SRPK2: variants seen among roughly 807,000 people sequenced by gnomAD.
SRPK2 encodes SFRS protein kinase 2.
Under a neutral mutation model 90.8 loss-of-function variants are expected in SRPK2, and 21 were observed. The ratio of observed to expected loss-of-function variants is 0.23; its 90% CI spans 0.16 to 0.33. The LOEUF is 0.33. Ranked by LOEUF, SRPK2 falls within the 10% of genes least tolerant of loss-of-function variation. The probability of loss-of-function intolerance (pLI) is 1.00; values close to 1 mark genes in which losing one functional copy is unlikely to be tolerated. For synonymous variants in SRPK2, 288 were observed against 311.1 expected (o/e 0.93, Z 0.78); for missense variants, 620 against 869.0 (o/e 0.71, Z 3.60).
intron 7 of SRPK2, among the ~76,000 whole-genome samples, chr7:105,159,466 A>AAAAAAC (rs1807186712): frequency 5.2e-5 from 6 of 114,314 alleles, no homozygotes; most frequent in African/African-American, 1.3e-4. Flanking sequence ...AAAAAAAAAA[A>AAAAAAC]AAAAAAACCG....
At chr7:105,253,078 A>G (rs1802708061) in intron 2 of SRPK2, among the ~76,000 whole-genome samples, 1 of 152,194 alleles carries the variant, frequency 6.6e-6, no homozygotes, top group Non-Finnish European at 1.5e-5. Flanking sequence ...TTCTTTAATC[A>G]TAATTAACTG....
intron 7 of SRPK2, among the ~76,000 whole-genome samples, chr7:105,159,034 CA>C (rs1358964030): frequency 6.6e-6 from 1 of 152,016 alleles, no homozygotes; most frequent in Admixed American, 6.6e-5. Flanking sequence ...CAGTACTGAA[CA>C]AAAGTTAGCC....
intron 2 of SRPK2, among the ~76,000 whole-genome samples, chr7:105,283,283 G>A (rs907679965): frequency 1.3e-5 from 2 of 152,028 alleles, no homozygotes; most frequent in African/African-American, 4.8e-5. Context: ...TCTCCTCCTA[G>A]GTATATACCC....
At chr7:105,293,258 G>A (rs1258119332) in intron 2 of SRPK2, among the ~76,000 whole-genome samples, 4 of 151,232 alleles carry the variant, frequency 2.6e-5, no homozygotes, top group African/African-American at 7.3e-5. Context: ...ACCACTGCAT[G>A]AGTGAAACTC....
chr7:105,358,566 G>T (rs540343704), intron 2 of SRPK2, among the ~76,000 whole-genome samples: 1 of 151,668 alleles, frequency 6.6e-6, no homozygotes, highest in African/African-American at 2.4e-5. Context: ...CTTGCCTGCC[G>T]TGTCAGTTAC....
chr7:105,182,813 A>C (rs1053957897), intron 3 of SRPK2, among the ~76,000 whole-genome samples: 1 of 152,176 alleles, frequency 6.6e-6, no homozygotes, highest in Admixed American at 6.5e-5. Flanking sequence ...CAAAGTATTT[A>C]TTAGAAGATT....
intron 2 of SRPK2, among the ~76,000 whole-genome samples, chr7:105,361,445 T>G (rs570043740): frequency 6.6e-5 from 10 of 152,088 alleles, no homozygotes; most frequent in Admixed American, 2.0e-4. Flanking sequence ...AGCTACCAAT[T>G]ACTTTCTTCA....
chr7:105,387,480 A>G (rs1019398053), intron 2 of SRPK2, among the ~76,000 whole-genome samples: 1 of 151,770 alleles, frequency 6.6e-6, no homozygotes, highest in Non-Finnish European at 1.5e-5. Context: ...CTCTTTAGGA[A>G]GTGCTTTCCC....
Position 105,117,814 on chromosome 7 carries a change from A to G in SRPK2, c.*24T>C. On this transcript the variant is annotated 3_prime_UTR_variant, in exon 16 of 16. Coordinates refer to ENST00000393651, the MANE Select transcript of SRPK2 (RefSeq NM_182692.3). ...ATGTACTGGGAACATTTGCTAGCTC[A>G]GAATGCAATATTGGTAGAATTTGCT... 1 of 1,611,292 alleles carries G rather than the reference A, an allele frequency of 6.2e-7. No homozygotes were observed. The highest frequency in any genetic ancestry group is 8.5e-7 in the Non-Finnish European group (1 of 1,179,266).
intron 2 of SRPK2, among the ~76,000 whole-genome samples, chr7:105,233,374 C>A (rs187699001): frequency 1.3e-5 from 2 of 152,208 alleles, no homozygotes; most frequent in African/African-American, 4.8e-5. Context: ...TTAGTAACAG[C>A]CAAGGGTACT....
At position 105,364,405 on chromosome 7, in the gene SRPK2, G is replaced by GTTTTTGTTTT. The variant is rs1554523241; in HGVS notation, c.71+24242_71+24243insAAAACAAAAA. On this transcript the variant is annotated intron_variant, in intron 2 of 15. Transcript: ENST00000393651. ...CTTTCCATAGCATACCGTGTGTAAC[G>GTTTTTGTTTT]TTTTTTTTTTTTTGAGAAGGAGTCT... Among the ~76,000 whole-genome samples the GTTTTTGTTTT allele has an allele frequency of 2.2e-5, 3 of 133,906 alleles. No homozygotes were observed. In the Admixed American group the frequency reaches 2.4e-4, roughly 11 times the overall value. 87.8% of individuals were successfully genotyped at this position (133,906 alleles called of 152,430 possible).
intron 11 of SRPK2, among the ~76,000 whole-genome samples, chr7:105,137,476 G>A (rs1469223952): frequency 4.7e-5 from 6 of 128,302 alleles, no homozygotes; most frequent in East Asian, 5.0e-4. Flanking sequence ...ATAGGAGCAC[G>A]GAGGCTGTGT....
chr7:105,178,937 CTAATAA>C (rs999187250), intron 3 of SRPK2, among the ~76,000 whole-genome samples: 3 of 151,998 alleles, frequency 2.0e-5, no homozygotes, highest in East Asian at 1.9e-4. Context: ...AGAAGAAACA[CTAATAA>C]TAATAATACT....
intron 3 of SRPK2, among the ~76,000 whole-genome samples, chr7:105,191,488 G>A (rs1277219059): frequency 6.6e-6 from 1 of 152,176 alleles, no homozygotes; most frequent in Non-Finnish European, 1.5e-5. Flanking sequence ...AGCCTGGGAG[G>A]TTGTAGTAGT....
At chr7:105,282,102 G>C (rs1807418890) in intron 2 of SRPK2, among the ~76,000 whole-genome samples, 1 of 152,166 alleles carries the variant, frequency 6.6e-6, no homozygotes, top group Admixed American at 6.5e-5. Context: ...AAAAGTGTGA[G>C]GAAAGAGGCC....
At chr7:105,274,365 C>T (rs896295904) in intron 2 of SRPK2, among the ~76,000 whole-genome samples, 5 of 152,012 alleles carry the variant, frequency 3.3e-5, no homozygotes, top group South Asian at 2.1e-4. Context: ...AGTTCAAGAC[C>T]GGCCTGGCCA....
chr7:105,342,346 T>TTAA (rs972891338), intron 2 of SRPK2, among the ~76,000 whole-genome samples: 16 of 149,524 alleles, frequency 1.1e-4, no homozygotes, highest in African/African-American at 3.9e-4. Flanking sequence ...AATAATAATA[T>TTAA]TAATAATAAT....
chr7:105,256,604 C>A lies in SRPK2; in HGVS notation c.72-52819G>T, dbSNP rs1031923978. On this transcript the variant is annotated intron_variant, in intron 2 of 15. Transcript: ENST00000393651. ...AACTCCTGGCCTCAAGCAATCCTCC[C>A]ACTCTGGTCTCCCAAAGCACTTGGA... 2.6e-5 allele frequency among the ~76,000 whole-genome samples: 4 copies of A among 152,160 alleles called. No individual in the cohort carries two copies. In the East Asian group the frequency reaches 7.7e-4, roughly 29 times the overall value.
At chr7:105,325,923 T>C (rs887570982) in intron 2 of SRPK2, among the ~76,000 whole-genome samples, 2 of 152,196 alleles carry the variant, frequency 1.3e-5, no homozygotes, top group African/African-American at 2.4e-5. Context: ...TGAAGGCTTC[T>C]TAAGTCAGAA....
Sources: gnomAD v4.1 joint callset for allele counts (sites outside exome capture counted in the v4.1 genomes callset) on GRCh38, gnomAD v4.1.1 for gene constraint, MANE v1.5 for transcripts, NCBI Gene and HGNC (gene_info 2026-07-23, HGNC 2026-07-21) for gene names.